The following ZFHX3 variants were observed in gnomAD, a reference collection of about 807,000 sequenced individuals.
ZFHX3 encodes the protein zinc finger homeobox protein 3.
In ZFHX3, 42 loss-of-function variants were observed where a neutral mutation model predicts 279.1. The observed-to-expected ratio is 0.15, with a 90% CI of 0.12 to 0.19. ZFHX3 has a LOEUF of 0.19. ZFHX3 is among the 10% of genes least tolerant of loss of function. ZFHX3 has a pLI of 1.00. For synonymous variants in ZFHX3, 2,293 were observed against 1,957.8 expected, an observed-to-expected ratio of 1.17 and a Z score of -4.52; for missense variants, 4,981 against 4,754.0, an observed-to-expected ratio of 1.05 and a Z score of -1.40.
rs140299616 is a variant in ZFHX3 at position 73,361,813 on chromosome 16, G to A, written c.-1290-43477C>T. Among the ~76,000 whole-genome samples, 24 of 152,196 alleles carry A rather than the reference G, an allele frequency of 1.6e-4. No individual in the cohort carries two copies. The East Asian group carries it at 4.4e-3, about 28-fold the overall frequency. ...CTTTGGGGCAATATTGTAAGTGACCGCCTTGATGTATTTGAAGATGAAGGT... is the reference window on the plus strand; with the variant it reads ...CTTTGGGGCAATATTGTAAGTGACCACCTTGATGTATTTGAAGATGAAGGT... On this transcript the variant is annotated intron_variant, in intron 3 of 17. Coordinates refer to the ZFHX3 transcript ENST00000641206.
chr16:73,422,908 G>C (rs114658665), intron 3 of ZFHX3, among the ~76,000 whole-genome samples: 1 of 152,320 alleles, frequency 6.6e-6, no homozygotes, highest in Non-Finnish European at 1.5e-5. Flanking sequence ...GAAGGCTACA[G>C]GTTCTGGGAG....
chr16:73,409,041 G>T (rs1333538333), intron 3 of ZFHX3, among the ~76,000 whole-genome samples: 1 of 152,154 alleles, frequency 6.6e-6, no homozygotes, highest in East Asian at 1.9e-4. Context: ...TCAATCCAGG[G>T]ATTCATTCAT....
chr16:73,543,834 A>AG (rs1181744267), intron 2 of ZFHX3: 1 of 148,346 alleles, frequency 6.7e-6, no homozygotes, highest in Non-Finnish European at 1.5e-5. Context: ...CTGCTGGAGA[A>AG]GGGGGTGGGG....
chr16:73,299,403 G>A (rs1029772363), intron 4 of ZFHX3, among the ~76,000 whole-genome samples: 4 of 152,186 alleles, frequency 2.6e-5, no homozygotes, highest in African/African-American at 9.7e-5. Context: ...CAAAGCTGCT[G>A]CATTAAAATT....
At chr16:73,885,197 A>G (rs2030305766) in intron 1 of ZFHX3, among the ~76,000 whole-genome samples, 2 of 152,148 alleles carry the variant, frequency 1.3e-5, no homozygotes, top group Non-Finnish European at 1.5e-5. Context: ...CAAAGATGGG[A>G]AAAAAACCTA....
intron 1 of ZFHX3, among the ~76,000 whole-genome samples, chr16:73,037,850 T>C (rs956779195): frequency 1.4e-4 from 21 of 151,970 alleles, no homozygotes; most frequent in African/African-American, 5.1e-4. Context: ...CACCACCGGT[T>C]AAGCTATAGA....
intron 3 of ZFHX3, among the ~76,000 whole-genome samples, chr16:73,432,218 C>G (rs1193124444): frequency 6.6e-6 from 1 of 152,170 alleles, no homozygotes; most frequent in African/African-American, 2.4e-5. Context: ...TGCATGGTTT[C>G]TAGGCCATTA....
intron 5 of ZFHX3, among the ~76,000 whole-genome samples, chr16:73,223,235 T>A (rs2012481153): frequency 6.6e-6 from 1 of 152,102 alleles, no homozygotes; most frequent in African/African-American, 2.4e-5. Context: ...TTCATAAAAA[T>A]TAAAATTTTC....
chr16:73,631,939 A>T (rs55930842), intron 2 of ZFHX3, among the ~76,000 whole-genome samples: 21,809 of 68,036 alleles, frequency 0.32, 1,926 homozygotes, highest in East Asian at 0.59. Flanking sequence ...ACACACACAC[A>T]CACACACACA....
chr16:73,418,099 G>A (rs919262577), intron 3 of ZFHX3, among the ~76,000 whole-genome samples: 2 of 151,402 alleles, frequency 1.3e-5, no homozygotes, highest in African/African-American at 4.9e-5. Flanking sequence ...ATTCCTTCTA[G>A]AACCTTCTAA....
chr16:73,850,654 G>A (rs1239813646), intron 1 of ZFHX3, among the ~76,000 whole-genome samples: 1 of 152,148 alleles, frequency 6.6e-6, no homozygotes, highest in Non-Finnish European at 1.5e-5. Context: ...GTCCTGGCTT[G>A]AGAAAAGGCT....
rs369925364 is a variant in ZFHX3 at position 73,728,152 on chromosome 16, C to A, written c.-1607-47912G>T. On this transcript the variant is annotated intron_variant, in intron 1 of 17. Transcript: ENST00000641206. ...TCCTTAGGATGGACTTAATTCCAAT[C>A]TGACTGACGTTCTTATAAGAAAAGG... is the stretch of plus-strand genomic sequence containing the variant. Among the ~76,000 whole-genome samples the A allele has an allele frequency of 6.8e-4, 104 of 151,882 alleles. 2 individuals are homozygous for A. In the South Asian group the frequency reaches 0.02, roughly 29 times the overall value.
At chr16:73,528,631 G>A (rs1325872894) in intron 2 of ZFHX3, among the ~76,000 whole-genome samples, 2 of 152,214 alleles carry the variant, frequency 1.3e-5, no homozygotes, top group African/African-American at 4.8e-5. Flanking sequence ...TCTGGGGAAG[G>A]CTTGAAGAAA....
rs777084031 is a variant in ZFHX3 at position 72,798,711 on chromosome 16, G to A, written c.3971C>T (p.Thr1324Ile). 5 of 1,520,850 alleles carry A rather than the reference G, an allele frequency of 3.3e-6. No homozygotes were observed. In the Admixed American group the frequency reaches 1.2e-4, roughly 35 times the overall value. The allele number at this position is 1,520,850 out of a possible 1,614,324, so 94.2% of individuals were successfully genotyped here. Residue 1324 changes from threonine (T) to isoleucine (I), a missense_variant, in exon 9 of 10, where the codon ACC becomes ATC. Physicochemically the swap from Thr to Ile is moderately conservative, Grantham distance 89. This residue lies in a region of ZFHX3 where 1,751 missense variants were observed against 1,770.0 expected (regional missense o/e 0.99). Coordinates refer to ENST00000268489, the MANE Select transcript of ZFHX3 (RefSeq NM_006885.4). ...GATGTTCTTTCCCAGATCCTCTGAG[G>A]TTTCTGTTAAAAAAAAAAAAAAAAT... Reference protein sequence around the residue: ...NLEEAGKQPETSEDLGKNILP... With the variant: ...NLEEAGKQPEISEDLGKNILP...
intron 1 of ZFHX3, among the ~76,000 whole-genome samples, chr16:72,978,597 G>A (rs1049033299): frequency 6.6e-6 from 1 of 152,148 alleles, no homozygotes; most frequent in Non-Finnish European, 1.5e-5. Context: ...AAAGACCAGC[G>A]CCACGCTGCT....
chr16:73,560,300 T>C (rs2020350750), intron 2 of ZFHX3, among the ~76,000 whole-genome samples: 1 of 152,192 alleles, frequency 6.6e-6, no homozygotes, highest in Non-Finnish European at 1.5e-5. Flanking sequence ...GCCGCTGACA[T>C]ACAGGTAGTG....
intron 5 of ZFHX3, among the ~76,000 whole-genome samples, chr16:73,160,289 T>C (rs1967198392): frequency 6.6e-6 from 1 of 151,964 alleles, no homozygotes; most frequent in Non-Finnish European, 1.5e-5. Flanking sequence ...AACAATGAGC[T>C]CCAAAACTGA....
At chr16:73,080,849 G>A (rs1965935035) in intron 8 of ZFHX3, among the ~76,000 whole-genome samples, 1 of 152,150 alleles carries the variant, frequency 6.6e-6, no homozygotes, top group Non-Finnish European at 1.5e-5. Context: ...CCAAAGTGCT[G>A]GGATTTCTGG....
intron 2 of ZFHX3, among the ~76,000 whole-genome samples, chr16:73,662,466 A>G (rs919515265): frequency 7.1e-6 from 1 of 140,074 alleles, no homozygotes; most frequent in Non-Finnish European, 1.6e-5. Flanking sequence ...ATGTCAGAAA[A>G]CACTTTCGAT....
Sources: allele counts gnomAD v4.1 joint callset (sites outside exome capture counted in the v4.1 genomes callset), GRCh38; gene constraint gnomAD v4.1.1; regional missense constraint gnomAD v4.1.1; transcripts MANE v1.5; gene names NCBI Gene and HGNC (gene_info 2026-07-23, HGNC 2026-07-21).